The following EPHA5 variants were observed in gnomAD, a reference collection of about 807,000 sequenced individuals.
EPHA5 encodes ephrin type-A receptor 5.
Under a neutral mutation model 105.0 loss-of-function variants are expected in EPHA5, and 60 were observed. The ratio of observed to expected loss-of-function variants is 0.57; its 90% CI spans 0.46 to 0.71. The LOEUF (loss-of-function observed/expected upper bound fraction) is 0.71, where lower values mean the gene tolerates loss of function less well. Among genes scored for constraint, EPHA5 ranks in the 30% least tolerant of loss-of-function variants. The probability of loss-of-function intolerance (pLI) is 0.00; values close to 1 mark genes in which losing one functional copy is unlikely to be tolerated. For synonymous variants in EPHA5, 513 were observed against 449.1 expected (o/e 1.14, Z -1.80); for missense variants, 1,218 against 1,274.7 (o/e 0.96, Z 0.68).
chr4:65,581,727 A>G (rs1741645255), intron 3 of EPHA5, among the ~76,000 whole-genome samples: 1 of 151,792 alleles, frequency 6.6e-6, no homozygotes, highest in African/African-American at 2.4e-5. Context: ...AATAAAATAT[A>G]GGCTTGAACT....
chr4:65,652,219 G>A (rs1405558521), intron 1 of EPHA5, among the ~76,000 whole-genome samples: 2 of 151,960 alleles, frequency 1.3e-5, no homozygotes, highest in Non-Finnish European at 2.9e-5. Context: ...CCTCACTACT[G>A]GAAATAAATG....
At chr4:65,660,009 C>G (rs537373654) in intron 1 of EPHA5, among the ~76,000 whole-genome samples, 21 of 152,206 alleles carry the variant, frequency 1.4e-4, no homozygotes, top group African/African-American at 4.6e-4. Context: ...AGCAGCATTT[C>G]TCATGCCCTT....
intron 1 of EPHA5, 135 bp downstream of exon 1, chr4:65,669,427 C>A (rs1194880926): frequency 5.6e-6 from 7 of 1,244,212 alleles, no homozygotes; most frequent in Non-Finnish European, 7.0e-6. Flanking sequence ...TGGAAGGGGA[C>A]GACAAATACC....
At chr4:65,376,413 G>T (rs187596330) in intron 8 of EPHA5, among the ~76,000 whole-genome samples, 1 of 151,962 alleles carries the variant, frequency 6.6e-6, no homozygotes, top group East Asian at 1.9e-4. Context: ...ATGCCATTTG[G>T]GCACTGACTG....
intron 8 of EPHA5, among the ~76,000 whole-genome samples, chr4:65,379,899 G>C (rs369296476): frequency 1.3e-4 from 19 of 151,708 alleles, no homozygotes; most frequent in African/African-American, 4.6e-4. Context: ...ACTAAGACAA[G>C]TTACTTTTCT....
At chr4:65,590,029 C>A (rs62297686) in intron 3 of EPHA5, among the ~76,000 whole-genome samples, 9,334 of 152,202 alleles carry the variant, frequency 0.061, 391 homozygotes, top group Admixed American at 0.11. Context: ...TATTGTGATT[C>A]TCCTTTACAA....
chr4:65,532,253 A>C (rs530577036), intron 3 of EPHA5, among the ~76,000 whole-genome samples: 1 of 152,120 alleles, frequency 6.6e-6, no homozygotes. Context: ...TAGTAATGGA[A>C]TTTAATGTGA....
intron 5 of EPHA5, among the ~76,000 whole-genome samples, chr4:65,422,714 G>A (rs1346622162): frequency 6.6e-6 from 1 of 151,968 alleles, no homozygotes; most frequent in Non-Finnish European, 1.5e-5. Flanking sequence ...ATACTAGTAT[G>A]ATATGCAAAA....
chr4:65,376,248 T>G (rs946327054), intron 8 of EPHA5, among the ~76,000 whole-genome samples: 2 of 152,140 alleles, frequency 1.3e-5, no homozygotes, highest in Non-Finnish European at 2.9e-5. Context: ...GGTACAATAG[T>G]GCAAGGATTT....
chr4:65,431,141 G>A (rs1049457702), intron 5 of EPHA5, among the ~76,000 whole-genome samples: 4 of 151,980 alleles, frequency 2.6e-5, no homozygotes, highest in East Asian at 1.9e-4. Context: ...TCCTCACAAC[G>A]ATTAACGGTA....
intron 16 of EPHA5, chr4:65,331,532 C>G: frequency 9.5e-7 from 1 of 1,054,422 alleles, no homozygotes; most frequent in Non-Finnish European, 1.1e-6. Flanking sequence ...GTTTAAGCTA[C>G]TGTTACCTTG....
intron 2 of EPHA5, among the ~76,000 whole-genome samples, chr4:65,612,127 G>C (rs1018330238): frequency 6.6e-6 from 1 of 151,004 alleles, no homozygotes; most frequent in African/African-American, 2.4e-5. Context: ...CATTTCCATA[G>C]AGAATGGCTT....
chr4:65,360,956 A>G (rs1015814487), intron 11 of EPHA5, among the ~76,000 whole-genome samples: 2 of 151,670 alleles, frequency 1.3e-5, no homozygotes, highest in Non-Finnish European at 3.0e-5. Context: ...TTATGAAGTA[A>G]CATATAGCAT....
chr4:65,372,362 A>C (rs1718560435), intron 8 of EPHA5, among the ~76,000 whole-genome samples: 1 of 151,954 alleles, frequency 6.6e-6, no homozygotes, highest in Admixed American at 6.6e-5. Flanking sequence ...AACATTGATT[A>C]AATTTTGTTT....
At chr4:65,533,075 T>A (rs1735974110) in intron 3 of EPHA5, among the ~76,000 whole-genome samples, 1 of 152,022 alleles carries the variant, frequency 6.6e-6, no homozygotes, top group African/African-American at 2.4e-5. Context: ...TTCAGTAACA[T>A]CACCTACTTC....
intron 3 of EPHA5, among the ~76,000 whole-genome samples, chr4:65,524,316 T>G (rs1164817936): frequency 1.3e-5 from 2 of 151,876 alleles, no homozygotes; most frequent in Non-Finnish European, 2.9e-5. Context: ...TAGCCAGAGA[T>G]GACTATGTAG....
intron 3 of EPHA5, among the ~76,000 whole-genome samples, chr4:65,544,649 A>G (rs79712024): frequency 2.0e-5 from 3 of 152,132 alleles, no homozygotes; most frequent in South Asian, 4.1e-4. Flanking sequence ...TTCGTTCAAC[A>G]TTGTGGAAGA....
At chr4:65,444,836 C>G (rs932734763) in intron 5 of EPHA5, among the ~76,000 whole-genome samples, 1 of 151,678 alleles carries the variant, frequency 6.6e-6, no homozygotes, top group African/African-American at 2.4e-5. Context: ...TGTATTTTTC[C>G]CCTCAAAAAC....
intron 3 of EPHA5, among the ~76,000 whole-genome samples, chr4:65,507,424 G>T (rs1733151566): frequency 6.6e-6 from 1 of 152,118 alleles, no homozygotes; most frequent in South Asian, 2.1e-4. Flanking sequence ...GTAGCTTAAT[G>T]GGGATGGCAT....
Sources: gnomAD v4.1 joint callset for allele counts (sites outside exome capture counted in the v4.1 genomes callset) on GRCh38, gnomAD v4.1.1 for gene constraint, MANE v1.5 for transcripts, NCBI Gene and HGNC (gene_info 2026-07-23, HGNC 2026-07-21) for gene names.